Variants in GALNT16 observed in about 807,000 individuals in gnomAD.
GALNT16 encodes UDP-GalNAc:polypeptide N-acetylgalactosaminyltransferase-like protein 1.
Under a neutral mutation model 76.1 loss-of-function variants are expected in GALNT16, and 40 were observed. The observed-to-expected ratio is 0.53, with a 90% confidence interval of 0.41 to 0.68. The LOEUF (loss-of-function observed/expected upper bound fraction) is 0.68. Among genes scored for constraint, GALNT16 ranks in the 30% least tolerant of loss-of-function variants. The probability of loss-of-function intolerance (pLI) is 0.00; values close to 1 mark genes in which losing one functional copy is unlikely to be tolerated. For synonymous variants in GALNT16, 276 were observed against 285.2 expected (o/e 0.97, Z 0.32); for missense variants, 621 against 731.9 (o/e 0.85, Z 1.75).
intron 1 of GALNT16, among the ~76,000 whole-genome samples, chr14:69,267,197 C>T (rs2044351654): frequency 6.6e-6 from 1 of 152,200 alleles, no homozygotes; most frequent in Non-Finnish European, 1.5e-5. Context: ...CCTGTCTCCC[C>T]ACACCCCTAA....
downstream of GALNT16, among the ~76,000 whole-genome samples, chr14:69,360,187 T>C (rs1386564267): frequency 2.6e-5 from 4 of 151,562 alleles, no homozygotes; most frequent in Non-Finnish European, 5.9e-5. Flanking sequence ...ACCTCATCTA[T>C]ACTATAAATT....
At chr14:69,298,094 C>G (rs922829325) in intron 1 of GALNT16, among the ~76,000 whole-genome samples, 1 of 152,220 alleles carries the variant, frequency 6.6e-6, no homozygotes, top group African/African-American at 2.4e-5. Context: ...AGTCACTCAG[C>G]TACAAGTTCA....
chr14:69,371,902 C>A, the GALNT16 span, among the ~76,000 whole-genome samples: 10 of 152,020 alleles, frequency 6.6e-5, no homozygotes, highest in African/African-American at 2.2e-4. Context: ...CGAGATCGTG[C>A]CACTGCACTC....
rs1001256745 is a variant in GALNT16 at position 69,352,887 on chromosome 14, G to A, written c.*719G>A. 2.0e-5 allele frequency among the ~76,000 whole-genome samples: 3 copies of A among 152,212 alleles called. No homozygotes were observed. Among genetic ancestry groups the A allele is most frequent in the Non-Finnish European group, 4.4e-5 (3 of 68,042 alleles). On this transcript the variant is annotated 3_prime_UTR_variant, in exon 15 of 15. Coordinates refer to ENST00000448469, the MANE Select transcript of GALNT16 (RefSeq NM_001168368.2). ...ACCAGCCCCAGGGTCTGAGCCCGAC[G>A]CTGCCTCTTCCGGTCCTGTGCCTGT...
At chr14:69,326,740 C>T (rs1332104139) in intron 5 of GALNT16, among the ~76,000 whole-genome samples, 1 of 152,224 alleles carries the variant, frequency 6.6e-6, no homozygotes, top group Non-Finnish European at 1.5e-5. Flanking sequence ...CCTGAGGTCT[C>T]CTCCCCTGCG....
chr14:69,325,721 G>A (rs1334652054), intron 4 of GALNT16, among the ~76,000 whole-genome samples: 1 of 152,224 alleles, frequency 6.6e-6, no homozygotes, highest in African/African-American at 2.4e-5. Flanking sequence ...CCACCCCCAA[G>A]CGTGCTTTCT....
intron 1 of GALNT16, among the ~76,000 whole-genome samples, chr14:69,311,896 C>CTT (rs200480255): frequency 6.6e-6 from 1 of 151,932 alleles, no homozygotes; most frequent in African/African-American, 2.4e-5. Context: ...CCCATTATTG[C>CTT]TTTTTTTTCC....
At chr14:69,382,140 G>C in the GALNT16 span, among the ~76,000 whole-genome samples, 1 of 152,146 alleles carries the variant, frequency 6.6e-6, no homozygotes, top group Admixed American at 6.5e-5. Flanking sequence ...ACAATTTTTG[G>C]CAAGGGAAAT....
the GALNT16 span, among the ~76,000 whole-genome samples, chr14:69,381,382 T>A: frequency 1.3e-5 from 2 of 152,240 alleles, no homozygotes; most frequent in Non-Finnish European, 2.9e-5. Flanking sequence ...GCTAATTTCC[T>A]TCCCCCTGTA....
chr14:69,307,148 A>G (rs2044946930), intron 1 of GALNT16, among the ~76,000 whole-genome samples: 2 of 152,148 alleles, frequency 1.3e-5, no homozygotes, highest in African/African-American at 4.8e-5. Context: ...TCTCCTGTCC[A>G]AAGCTCGAGA....
At chr14:69,282,343 C>T (rs917361075) in intron 1 of GALNT16, among the ~76,000 whole-genome samples, 4 of 152,086 alleles carry the variant, frequency 2.6e-5, no homozygotes, top group Non-Finnish European at 4.4e-5. Context: ...CCACACTGAC[C>T]TCCTTTCTTT....
intron 1 of GALNT16, among the ~76,000 whole-genome samples, chr14:69,297,269 G>A (rs998221711): frequency 6.6e-6 from 1 of 152,172 alleles, no homozygotes; most frequent in African/African-American, 2.4e-5. Context: ...GTATACACTC[G>A]CAAGTTCTTG....
At chr14:69,281,362 C>G (rs1188806600) in intron 1 of GALNT16, among the ~76,000 whole-genome samples, 2 of 152,184 alleles carry the variant, frequency 1.3e-5, no homozygotes, top group Admixed American at 1.3e-4. Context: ...CAGCAGACAT[C>G]TGGGCTCCTA....
At chr14:69,337,150 T>C (rs934462059) in intron 9 of GALNT16, among the ~76,000 whole-genome samples, 1 of 152,248 alleles carries the variant, frequency 6.6e-6, no homozygotes, top group South Asian at 2.1e-4. Flanking sequence ...GTCTGACATA[T>C]AATGAAAATT....
chr14:69,348,460 A>T (rs2045594533), intron 14 of GALNT16: 1 of 206,734 alleles, frequency 4.8e-6, no homozygotes. Flanking sequence ...ATGTCAGATC[A>T]CACAGCTGAG....
At chr14:69,322,979 T>TGTGTGC (rs2045220654) in intron 2 of GALNT16, among the ~76,000 whole-genome samples, 1 of 31,744 alleles carries the variant, frequency 3.2e-5, no homozygotes, top group Non-Finnish European at 5.1e-5. Context: ...TGTGTGTGTG[T>TGTGTGC]GTGCGCGCGC....
rs777958125 is a variant in GALNT16 at position 69,322,988 on chromosome 14, G to GCA, written c.336-1702_336-1701dup. 1.7e-4 allele frequency among the ~76,000 whole-genome samples: 4 copies of GCA among 22,930 alleles called. No individual in the cohort carries two copies. The South Asian group carries it at 7.5e-3, about 43-fold the overall frequency. 15.0% of individuals were successfully genotyped at this position (22,930 alleles called of 152,430 possible). A position where few individuals can be genotyped will look rare whatever the true frequency, so the allele number is the denominator to read the frequency against. ...TGTGTGTGTGTGTGTGTGTGCGCGC[G>GCA]CACGCGCGCACGCATGCACACGTGT... On this transcript the variant is annotated intron_variant, in intron 2 of 14. Coordinates refer to ENST00000448469, the MANE Select transcript of GALNT16 (RefSeq NM_001168368.2).
intron 1 of GALNT16, among the ~76,000 whole-genome samples, chr14:69,292,562 A>G (rs1594826897): frequency 6.6e-6 from 1 of 152,188 alleles, no homozygotes; most frequent in Non-Finnish European, 1.5e-5. Flanking sequence ...GGCCAGTTTA[A>G]TGGCCCGTGG....
intron 1 of GALNT16, among the ~76,000 whole-genome samples, chr14:69,282,101 T>C (rs917312863): frequency 6.6e-6 from 1 of 152,242 alleles, no homozygotes; most frequent in Non-Finnish European, 1.5e-5. Context: ...GTTTTCTTTA[T>C]GTGAAGACAA....
Sources: gnomAD v4.1 joint callset for allele counts (sites outside exome capture counted in the v4.1 genomes callset) on GRCh38, gnomAD v4.1.1 for gene constraint, MANE v1.5 for transcripts, NCBI Gene and HGNC (gene_info 2026-07-23, HGNC 2026-07-21) for gene names.